The following LRRC27 variants were observed in gnomAD, a reference collection of about 807,000 sequenced individuals.
LRRC27 encodes leucine rich repeat containing 27, also known as leucine-rich repeat-containing protein 27.
In LRRC27, 57 loss-of-function variants were observed where a neutral mutation model predicts 55.0. The observed-to-expected ratio is 1.04, with a 90% confidence interval of 0.84 to 1.29. LRRC27 has a LOEUF of 1.29. Ranked by LOEUF, LRRC27 falls within the 50% of genes most tolerant of loss-of-function variation. LRRC27 has a pLI of 0.00. For missense variants in LRRC27, 721 were observed against 651.5 expected (o/e 1.11, Z -1.16); for synonymous variants, 278 against 251.9 (o/e 1.10, Z -0.98).
chr10:132,343,576 T>C (rs2067524715), intron 4 of LRRC27, among the ~76,000 whole-genome samples: 1 of 152,242 alleles, frequency 6.6e-6, no homozygotes, highest in East Asian at 1.9e-4. Flanking sequence ...ACGAATTTCA[T>C]TTAGATAGGT....
In LRRC27 at chr10:132,380,953, G is replaced by A. The variant is rs1343039690; in HGVS notation, c.*5711G>A. ...AGGCACAAAAGCCTTAACACTTTCT[G>A]TGAAATACCTTTTTATCTTGTATTG... On this transcript the variant is annotated 3_prime_UTR_variant, in exon 11 of 11. Coordinates refer to ENST00000368614, the MANE Select transcript of LRRC27 (RefSeq NM_030626.3). 6.6e-6 allele frequency among the ~76,000 whole-genome samples: 1 copy of A among 152,250 alleles called. No individual in the cohort carries two copies. Among genetic ancestry groups the A allele is most frequent in the Non-Finnish European group, 1.5e-5 (1 of 68,040 alleles).
intron 9 of LRRC27, 38 bp from the exon 10 acceptor site, chr10:132,365,386 G>A (rs747763686): frequency 3.4e-5 from 54 of 1,610,558 alleles, no homozygotes; most frequent in Non-Finnish European, 4.2e-5. Context: ...GAGAGTAAAT[G>A]TGTCAAGTCA....
At chr10:132,342,672 C>G (rs1196098015) in intron 4 of LRRC27, among the ~76,000 whole-genome samples, 1 of 152,212 alleles carries the variant, frequency 6.6e-6, no homozygotes. Flanking sequence ...TCTAAACACT[C>G]AAAACCAAAA....
intron 7 of LRRC27, among the ~76,000 whole-genome samples, chr10:132,355,400 TC>T (rs2068259237): frequency 6.6e-6 from 1 of 152,210 alleles, no homozygotes; most frequent in African/African-American, 2.4e-5. Context: ...ATTCAGATCT[TC>T]CATAGACCTT....
intron 1 of LRRC27, chr10:132,332,535 G>T (rs1564815080): frequency 6.6e-6 from 1 of 152,240 alleles, no homozygotes; most frequent in Non-Finnish European, 1.5e-5. Context: ...CCTGGGCCCT[G>T]TGTGAGTCCA....
At chr10:132,342,146 G>A (rs1488774980) in intron 3 of LRRC27, 67 bp from the exon 4 acceptor site, 7 of 963,582 alleles carry the variant, frequency 7.3e-6, no homozygotes, top group Non-Finnish European at 1.1e-5. Flanking sequence ...GAAACTTGAT[G>A]GTATATTTTG....
chr10:132,363,379 A>G (rs2068737065), intron 9 of LRRC27, among the ~76,000 whole-genome samples: 1 of 152,178 alleles, frequency 6.6e-6, no homozygotes, highest in Admixed American at 6.5e-5. Flanking sequence ...GGGGATGATC[A>G]CTGGGCTCCC....
chr10:132,371,176 G>T (rs529860490), intron 10 of LRRC27, among the ~76,000 whole-genome samples: 1 of 152,266 alleles, frequency 6.6e-6, no homozygotes, highest in Non-Finnish European at 1.5e-5. Flanking sequence ...GCAGTGCCGC[G>T]CATGGCGTGG....
intron 9 of LRRC27, 130 bp from the exon 10 acceptor site, chr10:132,365,294 G>A: frequency 7.9e-7 from 1 of 1,258,928 alleles, no homozygotes; most frequent in Non-Finnish European, 1.1e-6. Flanking sequence ...TGGCACAGCT[G>A]TGCGGGAGCC....
At chr10:132,351,493 A>G (rs2068007039) in intron 6 of LRRC27, 114 bp from the exon 7 acceptor site, 1 of 1,190,116 alleles carries the variant, frequency 8.4e-7, no homozygotes, top group Non-Finnish European at 1.2e-6. Context: ...AGTCGTGCTA[A>G]TTGTTCAGAT....
rs769362072 is a variant in LRRC27 at position 132,348,290 on chromosome 10, T to C, written c.860T>C (p.Leu287Ser). The C allele has an allele frequency of 1.2e-6, 2 of 1,613,886 alleles. No individual in the cohort carries two copies. Among genetic ancestry groups the C allele is most frequent in the Non-Finnish European group, 1.7e-6 (2 of 1,180,028 alleles). The change falls in exon 6 of 11, where the codon TTA (leucine) becomes TCA (serine). Residue 287 changes from leucine to serine, a missense_variant. Leu to Ser is a moderately radical substitution (Grantham distance 145). Transcript: ENST00000368614. The surrounding 1 kb of genome is among the most constrained non-coding windows in gnomAD (Gnocchi z 4.2). ...VLGDQLLTRE[L>S]PPNLKAALNI... ...GGAGATCAGCTCTTGACGAGGGAAT[T>C]ACCTCCAAATCTCAAGGCGGCCTTG...
rs1564854073 is a variant in LRRC27, at chr10:132,364,564, C to T, written c.1290-860C>T. Among the ~76,000 whole-genome samples the T allele has an allele frequency of 2.3e-4, 27 of 116,196 alleles. 3 individuals are homozygous for T. Among genetic ancestry groups the T allele is most frequent in the Middle Eastern group, 8.5e-3 (1 of 118 alleles). 76.2% of individuals were successfully genotyped at this position (116,196 alleles called of 152,430 possible). A position where few individuals can be genotyped will look rare whatever the true frequency, so the allele number is the denominator to read the frequency against. On this transcript the variant is annotated intron_variant, in intron 9 of 10. Transcript: ENST00000368614. ...ATCTACCTCCACACCCACACTTACA[C>T]CCACGTCCACACCCTGGGGCCCCAC...
chr10:132,372,651 C>T lies in LRRC27; in HGVS notation c.1417-2415C>T, dbSNP rs2069245606. Among the ~76,000 whole-genome samples the T allele has an allele frequency of 6.6e-6, 1 of 152,178 alleles. No homozygotes were observed. Among genetic ancestry groups the T allele is most frequent in the African/African-American group, 2.4e-5 (1 of 41,434 alleles). ...CCCTACTCTGCCCAGCCCACTGACTCCTCCAGCCTACCCAGCAGGAGCCAG... is the reference window on the plus strand; with the variant it reads ...CCCTACTCTGCCCAGCCCACTGACTTCTCCAGCCTACCCAGCAGGAGCCAG... On this transcript the variant is annotated intron_variant, in intron 10 of 10. Transcript: ENST00000368614. The surrounding 1 kb of genome is among the most constrained non-coding windows in gnomAD (Gnocchi z 4.0).
chr10:132,372,822 C>A lies in LRRC27; in HGVS notation c.1417-2244C>A, dbSNP rs1173181065. On this transcript the variant is annotated intron_variant, in intron 10 of 10. Transcript: ENST00000368614. The surrounding 1 kb of genome is among the most constrained non-coding windows in gnomAD (Gnocchi z 4.0). Reference sequence around the variant, plus strand: ...GGCGCTGTCTGAGATATCAGCCAACCAAGACAGAAGCCACCTGGGCGTACC... The same window carrying A: ...GGCGCTGTCTGAGATATCAGCCAACAAAGACAGAAGCCACCTGGGCGTACC... Among the ~76,000 whole-genome samples, 1 of 152,174 alleles carries A rather than the reference C, an allele frequency of 6.6e-6. No homozygotes were observed. Among genetic ancestry groups the A allele is most frequent in the Non-Finnish European group, 1.5e-5 (1 of 68,044 alleles).
intron 10 of LRRC27, among the ~76,000 whole-genome samples, chr10:132,369,735 C>T (rs1051106145): frequency 1.3e-5 from 2 of 152,156 alleles, no homozygotes; most frequent in Non-Finnish European, 2.9e-5. Flanking sequence ...TCCATGTGCA[C>T]GCATCGAGTG....
intron 10 of LRRC27, among the ~76,000 whole-genome samples, chr10:132,371,178 A>ATGGCGTGGCGCTGGCAAGGAGTCCTCGG (rs2069205284): frequency 6.6e-6 from 1 of 152,218 alleles, no homozygotes; most frequent in African/African-American, 2.4e-5. Context: ...AGTGCCGCGC[A>ATGGCGTGGCGCTGGCAAGGAGTCCTCGG]TGGCGTGGCG....
At position 132,376,653 on chromosome 10, in the gene LRRC27, A is replaced by G. The variant is rs900844821; in HGVS notation, c.*1411A>G. On this transcript the variant is annotated 3_prime_UTR_variant, in exon 11 of 11. Transcript: ENST00000368614. ...TTGATCAGAGAGCGTGTCCGTTGTGATCCCAGTCCTTTGAAACTGTGAAGC... is the reference window on the plus strand; with the variant it reads ...TTGATCAGAGAGCGTGTCCGTTGTGGTCCCAGTCCTTTGAAACTGTGAAGC... 2.0e-5 allele frequency: 3 copies of G among 152,302 alleles called. No individual in the cohort carries two copies. The highest frequency in any genetic ancestry group is 2.9e-5 in the Non-Finnish European group (2 of 68,070). 9.4% of individuals were successfully genotyped at this position (152,302 alleles called of 1,614,324 possible). A position where few individuals can be genotyped will look rare whatever the true frequency, so the allele number is the denominator to read the frequency against.
chr10:132,373,892 G>T (rs1248904134), intron 10 of LRRC27, among the ~76,000 whole-genome samples: 1 of 152,164 alleles, frequency 6.6e-6, no homozygotes, highest in African/African-American at 2.4e-5. Flanking sequence ...CATTTTAAAA[G>T]GAGGCAGTTA....
chr10:132,364,466 C>CGT, intron 9 of LRRC27, among the ~76,000 whole-genome samples: 1 of 136,840 alleles, frequency 7.3e-6, no homozygotes, highest in African/African-American at 2.8e-5. Context: ...CACACCCACC[C>CGT]ACACTTACAC....
Sources: allele counts gnomAD v4.1 joint callset (sites outside exome capture counted in the v4.1 genomes callset), GRCh38; gene constraint gnomAD v4.1.1; non-coding constraint Gnocchi (gnomAD v3.1); transcripts MANE v1.5; gene names NCBI Gene and HGNC (gene_info 2026-07-23, HGNC 2026-07-21).